Variants in SCAPER observed in about 807,000 individuals in gnomAD.
SCAPER encodes S-phase cyclin A associated protein in the ER.
In SCAPER, 98 loss-of-function variants were observed where a neutral mutation model predicts 182.2. The observed-to-expected ratio is 0.54, with a 90% CI of 0.46 to 0.64. The LOEUF (loss-of-function observed/expected upper bound fraction) is 0.64, where lower values mean the gene tolerates loss of function less well. Ranked by LOEUF, SCAPER falls within the 30% of genes least tolerant of loss-of-function variation. The pLI is 0.00. For missense variants in SCAPER, 1,432 were observed against 1,690.0 expected (o/e 0.85, Z 2.68); for synonymous variants, 605 against 564.6 (o/e 1.07, Z -1.01).
chr15:76,581,342 C>G (rs912571350), intron 22 of SCAPER, among the ~76,000 whole-genome samples: 1 of 152,090 alleles, frequency 6.6e-6, no homozygotes, highest in African/African-American at 2.4e-5. Flanking sequence ...GATACCAAAA[C>G]CAGACAAAGC....
chr15:76,474,472 A>G (rs941277379), intron 24 of SCAPER, among the ~76,000 whole-genome samples: 6 of 152,236 alleles, frequency 3.9e-5, no homozygotes, highest in Admixed American at 1.3e-4. Context: ...GGTTAAGACT[A>G]GAGACATTGG....
chr15:76,440,938 T>TTG (rs1567144434), intron 25 of SCAPER, among the ~76,000 whole-genome samples: 2 of 126,344 alleles, frequency 1.6e-5, no homozygotes, highest in East Asian at 2.1e-4. Context: ...TTTTTTTTTT[T>TTG]GGGGACGGAG....
intron 15 of SCAPER, among the ~76,000 whole-genome samples, chr15:76,743,178 C>T (rs1037964201): frequency 4.6e-5 from 7 of 151,978 alleles, no homozygotes; most frequent in Admixed American, 6.6e-5. Context: ...CAAGAGACTT[C>T]GGTCGTCACT....
intron 25 of SCAPER, among the ~76,000 whole-genome samples, chr15:76,445,055 G>A (rs531602761): frequency 4.6e-5 from 7 of 152,278 alleles, no homozygotes; most frequent in African/African-American, 1.7e-4. Context: ...TAGTGGTGAA[G>A]TCTGGGATTT....
intron 23 of SCAPER, among the ~76,000 whole-genome samples, chr15:76,563,023 C>G (rs939914696): frequency 3.3e-5 from 5 of 152,122 alleles, no homozygotes; most frequent in African/African-American, 1.2e-4. Flanking sequence ...GTTTAACTAA[C>G]ATGTGGTGTT....
intron 2 of SCAPER, among the ~76,000 whole-genome samples, chr15:76,878,925 A>C (rs917488482): frequency 6.6e-6 from 1 of 152,224 alleles, no homozygotes; most frequent in African/African-American, 2.4e-5. Context: ...ACTAAGAATC[A>C]GTCATCAAAA....
At chr15:76,548,974 A>G (rs1446788132) in intron 23 of SCAPER, among the ~76,000 whole-genome samples, 1 of 152,226 alleles carries the variant, frequency 6.6e-6, no homozygotes, top group Non-Finnish European at 1.5e-5. Flanking sequence ...GAGCTTCTGC[A>G]CAGCAAAAGA....
At chr15:76,686,104 T>A (rs998163029) in intron 20 of SCAPER, among the ~76,000 whole-genome samples, 1 of 151,964 alleles carries the variant, frequency 6.6e-6, no homozygotes, top group Non-Finnish European at 1.5e-5. Flanking sequence ...TTTTTCCTAA[T>A]AGATATAAGA....
chr15:76,765,347 A>T lies in SCAPER; in HGVS notation c.1603T>A (p.Ser535Thr). ...TTTCAAATGCCAGACCTTTTACGAG[A>T]GGGTGAAGAAAGTTTTTCATGCATG... ...IHMHEKLSSP[S>T]RKRTIAESKK... Residue 535 changes from serine to threonine, a missense_variant, in exon 13 of 32, where the codon TCT (serine) becomes ACT (threonine). Ser to Thr is a moderately conservative substitution (Grantham distance 58). Around this residue, in one of 5 missense-constraint regions of SCAPER, gnomAD observed 128 missense variants for 149.9 expected, o/e 0.85. Transcript: ENST00000563290. 6.2e-7 allele frequency: 1 copy of T among 1,611,308 alleles called. No individual in the cohort carries two copies. Among genetic ancestry groups the T allele is most frequent in the Non-Finnish European group, 8.5e-7 (1 of 1,178,234 alleles).
chr15:76,528,553 C>A (rs1180104838), intron 23 of SCAPER, among the ~76,000 whole-genome samples: 2 of 152,202 alleles, frequency 1.3e-5, no homozygotes, highest in Non-Finnish European at 2.9e-5. Flanking sequence ...CTCTTCACAG[C>A]CAATATTGAT....
At chr15:76,795,942 T>C (rs1022370489) in intron 7 of SCAPER, among the ~76,000 whole-genome samples, 2 of 151,988 alleles carry the variant, frequency 1.3e-5, no homozygotes, top group African/African-American at 2.4e-5. Context: ...GCACCTGTAA[T>C]CCCAGCTACT....
intron 5 of SCAPER, among the ~76,000 whole-genome samples, chr15:76,817,794 A>G (rs1414439843): frequency 6.6e-6 from 1 of 152,224 alleles, no homozygotes; most frequent in Non-Finnish European, 1.5e-5. Context: ...CTATATTAGG[A>G]AAACAACAAA....
At chr15:76,541,187 T>G (rs1475802639) in intron 23 of SCAPER, among the ~76,000 whole-genome samples, 1 of 139,042 alleles carries the variant, frequency 7.2e-6, no homozygotes, top group African/African-American at 2.7e-5. Context: ...ATGCATGGTA[T>G]AACACGTATT....
intron 26 of SCAPER, among the ~76,000 whole-genome samples, chr15:76,413,525 A>G (rs886572824): frequency 5.9e-5 from 9 of 152,194 alleles, no homozygotes; most frequent in African/African-American, 1.7e-4. Flanking sequence ...CAGATGAACT[A>G]ACAGCTTTTG....
intron 20 of SCAPER, 39 bp downstream of exon 20, chr15:76,701,719 C>T (rs779248640): frequency 2.0e-5 from 30 of 1,466,922 alleles, no homozygotes; most frequent in Non-Finnish European, 2.6e-5. Context: ...ATATTGGGTA[C>T]TCAATAAACA....
intron 27 of SCAPER, among the ~76,000 whole-genome samples, chr15:76,396,500 C>A (rs777712086): frequency 4.6e-5 from 7 of 152,222 alleles, no homozygotes; most frequent in South Asian, 2.1e-4. Context: ...TAATTTCTTT[C>A]ATCAATGTTT....
At chr15:76,850,859 CAAA>C (rs59202490) in intron 4 of SCAPER, among the ~76,000 whole-genome samples, 1 of 90,042 alleles carries the variant, frequency 1.1e-5, no homozygotes, top group Non-Finnish European at 2.3e-5. Context: ...GACTCTGTCT[CAAA>C]AAAAAAAAAA....
At chr15:76,552,047 A>G (rs2045818605) in intron 23 of SCAPER, among the ~76,000 whole-genome samples, 1 of 151,994 alleles carries the variant, frequency 6.6e-6, no homozygotes, top group African/African-American at 2.4e-5. Context: ...GCAGTTTGGG[A>G]GGCTGAGGTA....
At chr15:76,719,651 T>G (rs924545523) in intron 17 of SCAPER, among the ~76,000 whole-genome samples, 3 of 152,156 alleles carry the variant, frequency 2.0e-5, no homozygotes, top group Non-Finnish European at 2.9e-5. Context: ...ACTACAACAT[T>G]ATGATGTATA....
Sources: gnomAD v4.1 joint callset for allele counts (sites outside exome capture counted in the v4.1 genomes callset) on GRCh38, gnomAD v4.1.1 for gene constraint, gnomAD v4.1.1 regional missense constraint, MANE v1.5 for transcripts, NCBI Gene and HGNC (gene_info 2026-07-23, HGNC 2026-07-21) for gene names.